Variants in NBAS observed in about 807,000 individuals in gnomAD.
NBAS encodes NBAS subunit of NRZ tethering complex.
Under a neutral mutation model 302.5 loss-of-function variants are expected in NBAS, and 219 were observed. The ratio of observed to expected loss-of-function variants is 0.72; its 90% CI spans 0.65 to 0.81. The LOEUF is 0.81. NBAS is among the 30% of genes least tolerant of loss of function. The probability of loss-of-function intolerance (pLI) is 0.00; values close to 1 mark genes in which losing one functional copy is unlikely to be tolerated. For missense variants in NBAS, 2,932 were observed against 2,841.6 expected, an observed-to-expected ratio of 1.03 and a Z score of -0.72; for synonymous variants, 1,118 against 1,021.6, an observed-to-expected ratio of 1.09 and a Z score of -1.80.
chr2:14,819,010 G>A, the NBAS span, among the ~76,000 whole-genome samples: 1 of 152,200 alleles, frequency 6.6e-6, no homozygotes, highest in Non-Finnish European at 1.5e-5. Flanking sequence ...TCCCTGAACA[G>A]CCTAGGCTGG....
chr2:15,334,919 AAAAC>A (rs1288289314), intron 35 of NBAS, among the ~76,000 whole-genome samples: 27 of 152,360 alleles, frequency 1.8e-4, no homozygotes, highest in African/African-American at 4.8e-4. Context: ...TAACCCTGCC[AAAAC>A]AAACACTATC....
chr2:15,534,876 A>G (rs1477415815), intron 8 of NBAS, among the ~76,000 whole-genome samples: 2 of 152,172 alleles, frequency 1.3e-5, no homozygotes, highest in African/African-American at 4.8e-5. Context: ...CAGCAATCCC[A>G]CTTGAAGATA....
At chr2:15,466,102 C>T (rs1679711464) in intron 19 of NBAS, among the ~76,000 whole-genome samples, 1 of 151,970 alleles carries the variant, frequency 6.6e-6, no homozygotes, top group Admixed American at 6.6e-5. Flanking sequence ...ATAGTCATTA[C>T]CAATGTTTTT....
At chr2:14,954,161 G>A in the NBAS span, among the ~76,000 whole-genome samples, 1 of 152,176 alleles carries the variant, frequency 6.6e-6, no homozygotes, top group Admixed American at 6.5e-5. Context: ...AATGACTATG[G>A]AAATGGCTAC....
In NBAS at chr2:15,167,293, G is replaced by A; in HGVS notation, c.6871C>T (p.Leu2291Phe). The A allele has an allele frequency of 4.3e-6, 7 of 1,614,230 alleles. No individual in the cohort carries two copies. The highest frequency in any genetic ancestry group is 5.9e-6 in the Non-Finnish European group (7 of 1,180,028). ...AGCTTGGCATCCAGGAGCAGGGAAA[G>A]AAGTTCTTGGTCACAATTGGAATCA... ...VNDSNCDQEL[L>F]SLLLDAKLLV... The change falls in exon 52 of 52, where the codon CTT (leucine) becomes TTT (phenylalanine). Residue 2291 changes from leucine to phenylalanine, a missense_variant. Coordinates refer to ENST00000281513, the MANE Select transcript of NBAS (RefSeq NM_015909.4).
the NBAS span, among the ~76,000 whole-genome samples, chr2:14,855,410 G>T: frequency 6.6e-6 from 1 of 151,944 alleles, no homozygotes; most frequent in South Asian, 2.1e-4. Context: ...ACTTTGTCTT[G>T]TACCTTAAGT....
the NBAS span, among the ~76,000 whole-genome samples, chr2:15,091,473 G>A: frequency 2.6e-4 from 40 of 151,810 alleles, no homozygotes; most frequent in Non-Finnish European, 4.4e-4. Context: ...TCTCTTCCTT[G>A]TGGTTTTTTT....
rs78687396 is a variant in NBAS at position 15,190,347 on chromosome 2, G to A, written c.6489C>T (p.Leu2163=). 1.7e-4 allele frequency: 271 copies of A among 1,613,964 alleles called. 1 individual carries two copies. The East Asian group carries it at 5.9e-3, about 35-fold the overall frequency. The part of the protein sequence containing the change: ...EENRYCLFME[L]LESSHHEAEF... ...CAGCCTCGTGGTGACTAGATTCCAG[G>A]AGTTCCATGAATAGACAGTAGCGGT... The change falls in exon 49 of 52, where the codon CTC becomes CTT. Residue 2163 remains leucine, a synonymous_variant. Transcript: ENST00000281513.
chr2:15,528,343 C>A (rs1377044048), intron 9 of NBAS, among the ~76,000 whole-genome samples: 1 of 149,994 alleles, frequency 6.7e-6, no homozygotes, highest in Non-Finnish European at 1.5e-5. Flanking sequence ...TTCTAGTTTA[C>A]ATATATAGAT....
At chr2:15,531,248 C>T (rs1289427338) in intron 9 of NBAS, among the ~76,000 whole-genome samples, 1 of 152,114 alleles carries the variant, frequency 6.6e-6, no homozygotes. Context: ...ACAGGTCACG[C>T]AACCAAAGAG....
intron 28 of NBAS, among the ~76,000 whole-genome samples, chr2:15,390,808 C>G (rs1433193598): frequency 6.6e-6 from 1 of 151,936 alleles, no homozygotes; most frequent in Non-Finnish European, 1.5e-5. Flanking sequence ...TTCATAATGT[C>G]TAGTATTCAA....
intron 48 of NBAS, among the ~76,000 whole-genome samples, chr2:15,191,702 A>G (rs967448964): frequency 2.0e-5 from 3 of 152,214 alleles, no homozygotes; most frequent in Non-Finnish European, 4.4e-5. Flanking sequence ...GGATGTTCTG[A>G]AACTAGAAGA....
chr2:14,974,701 G>C, the NBAS span, among the ~76,000 whole-genome samples: 340 of 152,286 alleles, frequency 2.2e-3, no homozygotes, highest in African/African-American at 7.9e-3. Flanking sequence ...GTGGTCATCA[G>C]TTCTCTGCTG....
intron 44 of NBAS, among the ~76,000 whole-genome samples, chr2:15,241,281 C>G (rs193031537): frequency 6.6e-6 from 1 of 152,302 alleles, no homozygotes; most frequent in Non-Finnish European, 1.5e-5. Flanking sequence ...ATACACTCTT[C>G]CTAGCCTATT....
the NBAS span, among the ~76,000 whole-genome samples, chr2:15,143,787 G>A: frequency 1.3e-5 from 2 of 151,966 alleles, no homozygotes; most frequent in Admixed American, 6.6e-5. Flanking sequence ...CCCTTAATCT[G>A]AGTGGGCACC....
intron 44 of NBAS, among the ~76,000 whole-genome samples, chr2:15,255,473 G>A (rs925746871): frequency 2.6e-5 from 4 of 152,152 alleles, no homozygotes; most frequent in Non-Finnish European, 5.9e-5. Context: ...TCCTTTATCA[G>A]ATGCTTAGTT....
chr2:14,825,744 G>A, the NBAS span, among the ~76,000 whole-genome samples: 220 of 152,288 alleles, frequency 1.4e-3, no homozygotes, highest in African/African-American at 4.5e-3. Flanking sequence ...TTGGGGGAAA[G>A]GTAGGGTTTA....
chr2:15,098,567 T>C, the NBAS span, among the ~76,000 whole-genome samples: 2 of 121,028 alleles, frequency 1.7e-5, no homozygotes, highest in Admixed American at 9.7e-5. Context: ...ATATTATATA[T>C]TGTATATAAT....
intron 19 of NBAS, among the ~76,000 whole-genome samples, chr2:15,466,339 G>A (rs1198453471): frequency 6.6e-6 from 1 of 152,100 alleles, no homozygotes; most frequent in Non-Finnish European, 1.5e-5. Context: ...TAACCTCCAA[G>A]TGAAGTCAAA....
Sources: allele counts gnomAD v4.1 joint callset (sites outside exome capture counted in the v4.1 genomes callset), GRCh38; gene constraint gnomAD v4.1.1; transcripts MANE v1.5; gene names NCBI Gene and HGNC (gene_info 2026-07-23, HGNC 2026-07-21).